ST6GALNAC1: variants seen among roughly 807,000 people sequenced by gnomAD.
ST6GALNAC1 encodes the protein ST6 N-acetylgalactosaminide alpha-2,6-sialyltransferase 1, also known as alpha-N-acetylgalactosaminide alpha-2,6-sialyltransferase 1.
A neutral mutation model predicts 56.8 loss-of-function variants in ST6GALNAC1; 45 were observed. The observed-to-expected ratio is 0.79, with a 90% confidence interval of 0.62 to 1.02. The LOEUF is 1.02. ST6GALNAC1 is among the 50% of genes least tolerant of loss of function. ST6GALNAC1 has a pLI of 0.00. For synonymous variants in ST6GALNAC1, 295 were observed against 297.8 expected (o/e 0.99, Z 0.10); for missense variants, 743 against 754.8 (o/e 0.98, Z 0.18).
downstream of ST6GALNAC1, among the ~76,000 whole-genome samples, chr17:76,620,721 G>A (rs7218186): frequency 0.91 from 139,053 of 152,024 alleles, 63,893 homozygotes; most frequent in Non-Finnish European, 0.96. Context: ...GACTACAGGC[G>A]TGTGCCACCA....
At chr17:76,619,384 C>T in the ST6GALNAC1 span, among the ~76,000 whole-genome samples, 1 of 152,164 alleles carries the variant, frequency 6.6e-6, no homozygotes, top group South Asian at 2.1e-4. Flanking sequence ...TAGGCAGATT[C>T]CCACCCATAG....
intron 2 of ST6GALNAC1, among the ~76,000 whole-genome samples, chr17:76,628,670 A>C (rs1427335249): frequency 2.0e-5 from 3 of 152,226 alleles, no homozygotes; most frequent in Middle Eastern, 3.4e-3. Context: ...ATGGGGATTC[A>C]GGGGCCAAGC....
Position 76,626,410 on chromosome 17 carries a change from G to A in ST6GALNAC1, c.1312-18C>T, listed in dbSNP as rs1353279555. ...CGGACGTCCTGAGGACCAAGGACAG[G>A]GAGTGGTCCAAAAGTACTGCCTTCA... On this transcript the variant is annotated intron_variant, in intron 5 of 8. Transcript: ENST00000156626. The A allele has an allele frequency of 1.2e-5, 19 of 1,612,052 alleles. No homozygotes were observed. Among genetic ancestry groups the A allele is most frequent in the African/African-American group, 5.3e-5 (4 of 74,996 alleles).
chr17:76,627,646 C>CA lies in ST6GALNAC1; in HGVS notation c.832-64dup. 6.6e-7 allele frequency: 1 copy of CA among 1,520,012 alleles called. No homozygotes were observed. 94.2% of individuals were successfully genotyped at this position (1,520,012 alleles called of 1,614,324 possible). A position where few individuals can be genotyped will look rare whatever the true frequency, so the allele number is the denominator to read the frequency against. On this transcript the variant is annotated intron_variant, in intron 2 of 8. Transcript: ENST00000156626. This position sits in a 1 kb window ranked among gnomAD's most constrained non-coding sequence, Gnocchi z 4.4. ...CAGAAAGGCCATCGGCCAGGGGCTG[C>CA]ACCACTGCAGCAAGGGCTGGGGCTC...
chr17:76,637,796 C>G (rs2075997610), intron 1 of ST6GALNAC1: 2 of 398,498 alleles, frequency 5.0e-6, no homozygotes, highest in South Asian at 2.6e-4. Flanking sequence ...GATGGGAGTT[C>G]AGAATCAGAA....
rs113995947 is a variant in ST6GALNAC1 at position 76,634,440 on chromosome 17, T to C, written c.132-4729A>G. Among the ~76,000 whole-genome samples the C allele has an allele frequency of 3.2e-3, 485 of 152,208 alleles. 3 individuals are homozygous for C. The highest frequency in any genetic ancestry group is 0.011 in the African/African-American group (463 of 41,534). On this transcript the variant is annotated intron_variant, in intron 1 of 8. Coordinates refer to ENST00000156626, the MANE Select transcript of ST6GALNAC1 (RefSeq NM_018414.5). ...CTGCTCCTGCCTCCTGTGCCCCACA[T>C]TGTTAGCTGGGCCTGGAGTTCCCAA... is the stretch of plus-strand genomic sequence containing the variant.
intron 1 of ST6GALNAC1, among the ~76,000 whole-genome samples, chr17:76,633,007 A>T (rs1394448646): frequency 1.3e-5 from 2 of 152,062 alleles, no homozygotes; most frequent in African/African-American, 4.8e-5. Flanking sequence ...GGAGTTCAAG[A>T]CCAGCCTGGC....
chr17:76,630,197 C>T (rs2075871793), intron 1 of ST6GALNAC1, among the ~76,000 whole-genome samples: 1 of 152,228 alleles, frequency 6.6e-6, no homozygotes, highest in East Asian at 1.9e-4. Flanking sequence ...GTGCAGTGTG[C>T]TGTGCAGGCA....
At chr17:76,622,960 AT>A (rs550965264), downstream of ST6GALNAC1, among the ~76,000 whole-genome samples, 134 of 152,182 alleles carry the variant, frequency 8.8e-4, no homozygotes, top group Admixed American at 4.4e-3. Flanking sequence ...GGCCTGGCTA[AT>A]TTTTTGTATT....
At chr17:76,636,246 A>G (rs2075972090) in intron 1 of ST6GALNAC1, among the ~76,000 whole-genome samples, 2 of 151,708 alleles carry the variant, frequency 1.3e-5, no homozygotes, top group Admixed American at 6.6e-5. Context: ...TCTCCACCCC[A>G]CCCCCATACC....
rs548593032 is a variant in ST6GALNAC1, at chr17:76,635,682, T to A, written c.132-5971A>T. Reference sequence around the variant, plus strand: ...AACAACAAACCAACTAAATGAGACATCTTATGGAAAGTTCTACGAGAACTT... The same window carrying A: ...AACAACAAACCAACTAAATGAGACAACTTATGGAAAGTTCTACGAGAACTT... On this transcript the variant is annotated intron_variant, in intron 1 of 8. Transcript: ENST00000156626. 3.3e-5 allele frequency among the ~76,000 whole-genome samples: 5 copies of A among 152,260 alleles called. No individual in the cohort carries two copies. The East Asian group carries it at 9.6e-4, about 29-fold the overall frequency.
intron 1 of ST6GALNAC1, among the ~76,000 whole-genome samples, chr17:76,632,589 A>G (rs978633660): frequency 6.6e-6 from 1 of 152,230 alleles, no homozygotes; most frequent in Non-Finnish European, 1.5e-5. Context: ...ATTAAGTTTC[A>G]TTTAATTCCC....
chr17:76,618,746 A>T, the ST6GALNAC1 span, among the ~76,000 whole-genome samples: 1 of 150,644 alleles, frequency 6.6e-6, no homozygotes, highest in Non-Finnish European at 1.5e-5. Context: ...GCGCCACTGC[A>T]CTCCAGCCTG....
downstream of ST6GALNAC1, among the ~76,000 whole-genome samples, chr17:76,623,650 A>G (rs932942764): frequency 6.6e-6 from 1 of 152,194 alleles, no homozygotes; most frequent in Non-Finnish European, 1.5e-5. Flanking sequence ...CCGTATGCCA[A>G]TCTTATATCC....
chr17:76,640,408 A>G (rs2076035265), intron 1 of ST6GALNAC1, among the ~76,000 whole-genome samples: 1 of 152,212 alleles, frequency 6.6e-6, no homozygotes, highest in Non-Finnish European at 1.5e-5. Flanking sequence ...ACTCCAGGGC[A>G]TGTGGCATCT....
At chr17:76,634,303 T>C (rs2075946448) in intron 1 of ST6GALNAC1, among the ~76,000 whole-genome samples, 1 of 152,186 alleles carries the variant, frequency 6.6e-6, no homozygotes, top group Non-Finnish European at 1.5e-5. Flanking sequence ...CCAGGTTACA[T>C]GTTTGGTTCC....
rs376758755 is a variant in ST6GALNAC1, at chr17:76,626,318, C to G, written c.1386G>C (p.Thr462=). 1 of 1,614,026 alleles carries G rather than the reference C, an allele frequency of 6.2e-7. No homozygotes were observed. The highest frequency in any genetic ancestry group is 1.3e-5 in the African/African-American group (1 of 74,920). The change falls in exon 6 of 9, where the codon ACG becomes ACC. Residue 462 remains threonine, a synonymous_variant. Transcript: ENST00000156626. The part of the protein sequence containing the change: ...EWLEALLMNQ[T]VMSKNLFWFR... The stretch of plus-strand genomic sequence containing the variant: ...ACCAGAAAAGGTTTTTTGACATCAC[C>G]GTCTGATTCATAAGCAGTGCTTCCA...
downstream of ST6GALNAC1, among the ~76,000 whole-genome samples, chr17:76,623,664 T>G (rs1414108303): frequency 6.6e-6 from 1 of 152,248 alleles, no homozygotes; most frequent in Non-Finnish European, 1.5e-5. Context: ...TATATCCTGC[T>G]AACTTACTAT....
rs1167539512 is a variant in ST6GALNAC1, at chr17:76,625,499, C to A, written c.1634G>T (p.Gly545Val). Residue 545 changes from glycine to valine, a missense_variant, in exon 9 of 9, where the codon GGC (glycine) becomes GTC (valine). Gly to Val is a moderately radical substitution (Grantham distance 109). Coordinates refer to ENST00000156626, the MANE Select transcript of ST6GALNAC1 (RefSeq NM_018414.5). ...QVSAYGFITE[G>V]HERFSDHYYD... ...GTAGTGATCAGAAAAGCGCTCATGG[C>A]CCTCAGTGATGAAGCCATAAGCACT... 1 of 1,613,918 alleles carries A rather than the reference C, an allele frequency of 6.2e-7. No individual in the cohort carries two copies. The highest frequency in any genetic ancestry group is 1.1e-5 in the South Asian group (1 of 91,088).
Sources: gnomAD v4.1 joint callset for allele counts (sites outside exome capture counted in the v4.1 genomes callset) on GRCh38, gnomAD v4.1.1 for gene constraint, Gnocchi (gnomAD v3.1) non-coding constraint, MANE v1.5 for transcripts, NCBI Gene and HGNC (gene_info 2026-07-23, HGNC 2026-07-21) for gene names.